TAS2R1: variants seen among roughly 807,000 people sequenced by gnomAD.
TAS2R1 encodes taste 2 receptor member 1, also known as taste receptor type 2 member 1.
For missense variants in TAS2R1, 370 were observed against 353.4 expected (o/e 1.05, Z -0.38); for synonymous variants, 141 against 134.2 (o/e 1.05, Z -0.35).
chr5:9,632,571 TACTTTATTA>T (rs1739890122), upstream of TAS2R1, among the ~76,000 whole-genome samples: 1 of 152,254 alleles, frequency 6.6e-6, no homozygotes, highest in Admixed American at 6.5e-5. Flanking sequence ...ACCGTGCCAC[TACTTTATTA>T]ACTAAGTTTA....
At chr5:9,756,501 C>G in the TAS2R1 span, among the ~76,000 whole-genome samples, 12 of 152,282 alleles carry the variant, frequency 7.9e-5, no homozygotes, top group Non-Finnish European at 1.8e-4. Flanking sequence ...TCTACAAACT[C>G]AAGAGGAGGT....
chr5:9,815,123 TC>T, the TAS2R1 span, among the ~76,000 whole-genome samples: 1 of 152,158 alleles, frequency 6.6e-6, no homozygotes, highest in African/African-American at 2.4e-5. Context: ...CAAATAAACT[TC>T]CCTTAAAGGA....
chr5:9,758,766 C>T, the TAS2R1 span, among the ~76,000 whole-genome samples: 1 of 152,188 alleles, frequency 6.6e-6, no homozygotes, highest in Non-Finnish European at 1.5e-5. Flanking sequence ...AAGACTCCCC[C>T]AGGCTTCGGC....
chr5:9,742,582 T>C, the TAS2R1 span, among the ~76,000 whole-genome samples: 1 of 152,228 alleles, frequency 6.6e-6, no homozygotes, highest in Admixed American at 6.5e-5. Context: ...TTTTTATGTC[T>C]TATTTAAGAT....
At chr5:9,849,422 G>A in the TAS2R1 span, among the ~76,000 whole-genome samples, 1 of 152,186 alleles carries the variant, frequency 6.6e-6, no homozygotes, top group Non-Finnish European at 1.5e-5. Flanking sequence ...CTATGAAGTA[G>A]GCGCTATTAT....
intron 1 of TAS2R1, among the ~76,000 whole-genome samples, chr5:9,709,288 G>A (rs1047130384): frequency 2.0e-5 from 3 of 151,578 alleles, no homozygotes; most frequent in East Asian, 3.9e-4. Context: ...ATAGGGCCTC[G>A]CTGATTTTTA....
At chr5:9,844,804 A>T in the TAS2R1 span, among the ~76,000 whole-genome samples, 1 of 152,164 alleles carries the variant, frequency 6.6e-6, no homozygotes, top group Admixed American at 6.5e-5. Flanking sequence ...AAATCATCTG[A>T]TTCTATAAAC....
chr5:9,805,071 G>T, the TAS2R1 span, among the ~76,000 whole-genome samples: 2 of 151,816 alleles, frequency 1.3e-5, no homozygotes, highest in African/African-American at 2.4e-5. Flanking sequence ...TATTAGAACC[G>T]ATACCACAGA....
the TAS2R1 span, among the ~76,000 whole-genome samples, chr5:9,858,009 G>A: frequency 1.3e-5 from 2 of 152,276 alleles, no homozygotes; most frequent in East Asian, 3.9e-4. Flanking sequence ...TGGGCATGAA[G>A]TCTGGGGCTG....
At chr5:9,761,692 C>T in the TAS2R1 span, among the ~76,000 whole-genome samples, 2 of 152,198 alleles carry the variant, frequency 1.3e-5, no homozygotes, top group African/African-American at 4.8e-5. Flanking sequence ...TGATCCTCTG[C>T]GTCTGCTCTC....
chr5:9,774,610 A>G, the TAS2R1 span, among the ~76,000 whole-genome samples: 642 of 152,318 alleles, frequency 4.2e-3, 2 homozygotes, highest in African/African-American at 0.015. Context: ...GGGTGTTATG[A>G]TCTAAGCTTT....
intron 1 of TAS2R1, among the ~76,000 whole-genome samples, chr5:9,710,017 G>A (rs1330160463): frequency 6.6e-6 from 1 of 152,226 alleles, no homozygotes; most frequent in Non-Finnish European, 1.5e-5. Context: ...GGTCCACGGA[G>A]TCTTTTGAAA....
intron 1 of TAS2R1, chr5:9,659,961 C>G (rs1476004865): frequency 6.6e-6 from 1 of 151,890 alleles, no homozygotes; most frequent in African/African-American, 2.4e-5. Context: ...TAACACCAAG[C>G]ATTCATCTAT....
the TAS2R1 span, among the ~76,000 whole-genome samples, chr5:9,775,979 G>A: frequency 6.6e-6 from 1 of 152,224 alleles, no homozygotes; most frequent in South Asian, 2.1e-4. Context: ...TAGGTTGCAT[G>A]CTTCCCAAGT....
chr5:9,650,319 G>T (rs949069822), intron 2 of TAS2R1, among the ~76,000 whole-genome samples: 19 of 151,916 alleles, frequency 1.3e-4, no homozygotes, highest in South Asian at 8.3e-4. Flanking sequence ...CTCTGCATTT[G>T]CCCCTGAATG....
the TAS2R1 span, among the ~76,000 whole-genome samples, chr5:9,720,455 C>A: frequency 3.3e-5 from 5 of 152,216 alleles, no homozygotes; most frequent in African/African-American, 4.8e-5. Context: ...CTCTGAAGGC[C>A]TAAGGCCAGG....
At chr5:9,829,777 A>C in the TAS2R1 span, among the ~76,000 whole-genome samples, 2,202 of 152,276 alleles carry the variant, frequency 0.014, 25 homozygotes, top group Admixed American at 0.023. Flanking sequence ...GCATTCCTCC[A>C]GAGATCAAGA....
the TAS2R1 span, among the ~76,000 whole-genome samples, chr5:9,788,612 A>T: frequency 2.0e-5 from 3 of 152,326 alleles, no homozygotes; most frequent in South Asian, 6.2e-4. Context: ...AAAATAAAAA[A>T]GGAGCAGATA....
At chr5:9,716,545 T>TTATA (rs5865851), upstream of TAS2R1, among the ~76,000 whole-genome samples, 177 of 148,512 alleles carry the variant, frequency 1.2e-3, no homozygotes, top group African/African-American at 4.1e-3. Flanking sequence ...AGTACATATA[T>TTATA]TATATATATA....
Sources: allele counts gnomAD v4.1 joint callset (sites outside exome capture counted in the v4.1 genomes callset), GRCh38; gene constraint gnomAD v4.1.1; transcripts MANE v1.5; gene names NCBI Gene and HGNC (gene_info 2026-07-23, HGNC 2026-07-21).